RUNX1T1: variants seen among roughly 807,000 people sequenced by gnomAD.
RUNX1T1 encodes RUNX1 partner transcriptional co-repressor 1.
In RUNX1T1, 4 loss-of-function variants were observed where a neutral mutation model predicts 62.8. That is an observed-to-expected ratio of 0.06 (90% CI 0.03 to 0.15). RUNX1T1 has a LOEUF of 0.15. RUNX1T1 is among the 10% of genes least tolerant of loss of function. The pLI is 1.00. For missense variants in RUNX1T1, 508 were observed against 754.3 expected (o/e 0.67, Z 3.82); for synonymous variants, 291 against 286.0 (o/e 1.02, Z -0.18).
intron 5 of RUNX1T1, among the ~76,000 whole-genome samples, chr8:91,995,818 A>G (rs958758954): frequency 1.3e-5 from 2 of 152,074 alleles, no homozygotes; most frequent in African/African-American, 4.8e-5. Flanking sequence ...AAACACAAAA[A>G]CTTTCACTGT....
At chr8:91,955,353 T>C (rs767250824), downstream of RUNX1T1, 10 of 226,888 alleles carry the variant, frequency 4.4e-5, no homozygotes, top group Non-Finnish European at 8.8e-5. Flanking sequence ...AGTAACACAT[T>C]AAAAATAGGC....
At chr8:92,014,145 C>T (rs1252483754) in intron 3 of RUNX1T1, among the ~76,000 whole-genome samples, 1 of 151,826 alleles carries the variant, frequency 6.6e-6, no homozygotes, top group African/African-American at 2.4e-5. Context: ...GATAAAAATC[C>T]ACTAAAGCAA....
At chr8:92,068,115 A>G (rs1833141535) in intron 2 of RUNX1T1, among the ~76,000 whole-genome samples, 1 of 152,074 alleles carries the variant, frequency 6.6e-6, no homozygotes, top group Non-Finnish European at 1.5e-5. Context: ...GTTTTTTTTC[A>G]AGTAAAAGCA....
exon 11 of RUNX1T1, chr8:91,959,995 C>T: frequency 1.9e-6 from 1 of 540,060 alleles, no homozygotes; most frequent in Non-Finnish European, 3.3e-6. Context: ...ATTCTCTGCT[C>T]TCTTTTCAGT....
intron 1 of RUNX1T1, among the ~76,000 whole-genome samples, chr8:92,080,012 CTTAA>C (rs766816249): frequency 1.3e-5 from 2 of 151,550 alleles, no homozygotes; most frequent in Admixed American, 6.6e-5. Context: ...AACATTGTTT[CTTAA>C]TTGTCTTAAT....
chr8:92,031,372 T>C (rs1826195908), intron 1 of RUNX1T1, among the ~76,000 whole-genome samples: 1 of 152,206 alleles, frequency 6.6e-6, no homozygotes, highest in South Asian at 2.1e-4. Flanking sequence ...ATTTTACAAA[T>C]GTTTTAAAAG....
intron 6 of RUNX1T1, 124 bp downstream of exon 7, chr8:91,991,515 A>G: frequency 9.3e-7 from 1 of 1,075,722 alleles, no homozygotes; most frequent in African/African-American, 1.6e-5. Context: ...GAGACAATAT[A>G]AAGCAAGATA....
chr8:92,028,294 T>C (rs1452235604), intron 1 of RUNX1T1, among the ~76,000 whole-genome samples: 1 of 152,014 alleles, frequency 6.6e-6, no homozygotes, highest in Non-Finnish European at 1.5e-5. Context: ...ATGGTGGTTC[T>C]GGACAGAAAA....
At chr8:92,015,711 C>T (rs1822855528) in intron 2 of RUNX1T1, among the ~76,000 whole-genome samples, 1 of 152,124 alleles carries the variant, frequency 6.6e-6, no homozygotes, top group Non-Finnish European at 1.5e-5. Context: ...GATAAGCAGA[C>T]CTTTATCAAA....
intron 1 of RUNX1T1, among the ~76,000 whole-genome samples, chr8:92,051,624 ACTCTCTCTCT>A (rs58500025): frequency 8.8e-6 from 1 of 113,146 alleles, no homozygotes; most frequent in African/African-American, 3.3e-5. Context: ...TCTCTCTCTC[ACTCTCTCTCT>A]CTCTCTCTCA....
upstream of RUNX1T1, chr8:92,063,107 A>C: frequency 3.1e-6 from 1 of 327,254 alleles, no homozygotes; most frequent in Non-Finnish European, 4.7e-6. Context: ...GTATTAAAAA[A>C]AAAAAGGTAC....
intron 1 of RUNX1T1, among the ~76,000 whole-genome samples, chr8:92,038,671 C>T (rs1200024024): frequency 6.6e-6 from 1 of 152,154 alleles, no homozygotes; most frequent in Non-Finnish European, 1.5e-5. Context: ...GACACTGACT[C>T]ATCTCAATTC....
At chr8:92,011,375 T>C (rs574784085) in intron 3 of RUNX1T1, among the ~76,000 whole-genome samples, 2 of 152,328 alleles carry the variant, frequency 1.3e-5, no homozygotes, top group East Asian at 3.9e-4. Context: ...AGAGAAGTCT[T>C]TGCAATTATG....
At chr8:92,011,117 A>C in intron 3 of RUNX1T1, 26 bp from the exon 5 acceptor site, 2 of 1,244,956 alleles carry the variant, frequency 1.6e-6, no homozygotes, top group Non-Finnish European at 1.2e-6. Flanking sequence ...TGTAGTATAA[A>C]TACATTAGCC....
chr8:92,029,193 GA>G (rs1335400182), intron 1 of RUNX1T1, among the ~76,000 whole-genome samples: 6 of 152,120 alleles, frequency 3.9e-5, no homozygotes, highest in Admixed American at 2.0e-4. Flanking sequence ...ACTCTAGGGG[GA>G]AAAAAAGTAC....
At chr8:92,020,825 CTT>C (rs372324370) in intron 1 of RUNX1T1, among the ~76,000 whole-genome samples, 43 of 130,598 alleles carry the variant, frequency 3.3e-4, no homozygotes, top group Admixed American at 1.2e-3. Flanking sequence ...TTCCCATTTC[CTT>C]TTTTTTTTTT....
chr8:92,012,752 C>CAAA (rs34797716), intron 3 of RUNX1T1, among the ~76,000 whole-genome samples: 35 of 139,014 alleles, frequency 2.5e-4, no homozygotes, highest in African/African-American at 9.0e-4. Context: ...ATCACTCCCT[C>CAAA]AAAAAAAAAA....
intron 6 of RUNX1T1, 40 bp from the exon 8 acceptor site, chr8:91,987,012 A>G (rs1484471631): frequency 1.6e-6 from 2 of 1,289,124 alleles, no homozygotes; most frequent in Non-Finnish European, 2.3e-6. Flanking sequence ...TAAAGCATTC[A>G]GTACACAACC....
At chr8:92,086,537 C>A (rs1199121755) in intron 1 of RUNX1T1, among the ~76,000 whole-genome samples, 1 of 152,228 alleles carries the variant, frequency 6.6e-6, no homozygotes, top group African/African-American at 2.4e-5. Context: ...ACACCCACCA[C>A]TTGACAGCCC....
Sources: gnomAD v4.1 joint callset for allele counts (sites outside exome capture counted in the v4.1 genomes callset) on GRCh38, gnomAD v4.1.1 for gene constraint, MANE v1.5 for transcripts, NCBI Gene and HGNC (gene_info 2026-07-23, HGNC 2026-07-21) for gene names.